Variants in CDH13 observed in about 807,000 individuals in gnomAD.
CDH13 encodes cadherin-13.
Under a neutral mutation model 63.8 loss-of-function variants are expected in CDH13, and 24 were observed. The observed-to-expected ratio is 0.38, with a 90% CI of 0.27 to 0.53. CDH13 has a LOEUF of 0.53. CDH13 is among the 20% of genes least tolerant of loss of function. The probability of loss-of-function intolerance (pLI) is 0.85; values close to 1 mark genes in which losing one functional copy is unlikely to be tolerated. For synonymous variants in CDH13, 503 were observed against 355.3 expected (o/e 1.42, Z -4.67); for missense variants, 1,049 against 903.1 (o/e 1.16, Z -2.07).
intron 6 of CDH13, chr16:83,396,541 T>C (rs1417198496): frequency 6.6e-6 from 1 of 152,204 alleles, no homozygotes; most frequent in Admixed American, 6.5e-5. Context: ...TTTTGAATTA[T>C]GGTGGTACTT....
chr16:83,456,155 A>G (rs1483022284), intron 6 of CDH13, among the ~76,000 whole-genome samples: 1 of 152,236 alleles, frequency 6.6e-6, no homozygotes, highest in Admixed American at 6.5e-5. Context: ...GCCAGGCACC[A>G]CGAGCCTCCC....
At chr16:83,573,999 G>C (rs756423141) in intron 7 of CDH13, among the ~76,000 whole-genome samples, 2 of 152,102 alleles carry the variant, frequency 1.3e-5, no homozygotes, top group African/African-American at 4.8e-5. Flanking sequence ...CCCCAGATAC[G>C]CTTGGAGGTA....
intron 10 of CDH13, among the ~76,000 whole-genome samples, chr16:83,682,821 G>A (rs1037068289): frequency 2.6e-4 from 40 of 152,232 alleles, no homozygotes; most frequent in African/African-American, 9.6e-4. Context: ...GCCCCCATGA[G>A]AGACCGGGAC....
chr16:83,647,867 A>G (rs986144250), intron 8 of CDH13, among the ~76,000 whole-genome samples: 2 of 152,152 alleles, frequency 1.3e-5, no homozygotes, highest in African/African-American at 4.8e-5. Context: ...GTTGATAGCC[A>G]CGATCCCCAT....
At chr16:83,162,993 C>G (rs74574038) in intron 4 of CDH13, among the ~76,000 whole-genome samples, 1 of 152,020 alleles carries the variant, frequency 6.6e-6, no homozygotes, top group African/African-American at 2.4e-5. Flanking sequence ...TCCCATGTGT[C>G]GTAGGAGGAA....
chr16:83,351,899 T>A (rs945804772), intron 6 of CDH13, among the ~76,000 whole-genome samples: 2 of 152,242 alleles, frequency 1.3e-5, no homozygotes, highest in Non-Finnish European at 2.9e-5. Flanking sequence ...GATATTTTTG[T>A]TTGTTTCTCC....
At chr16:83,541,521 T>A (rs2075295556) in intron 7 of CDH13, among the ~76,000 whole-genome samples, 1 of 152,170 alleles carries the variant, frequency 6.6e-6, no homozygotes, top group African/African-American at 2.4e-5. Flanking sequence ...TTCCTTGCAG[T>A]TAGGCAGGGC....
At position 82,878,174 on chromosome 16, in the gene CDH13, T is replaced by C. The variant is rs113180820; in HGVS notation, c.157+19701T>C. On this transcript the variant is annotated intron_variant, in intron 2 of 13. Coordinates refer to ENST00000567109, the MANE Select transcript of CDH13 (RefSeq NM_001257.5). Reference sequence around the variant, plus strand: ...CTCCCTCTCCAGTAGCATTCCCCAGTCTGTGTCACTTAGACGAAAAGGATC... The same window carrying C: ...CTCCCTCTCCAGTAGCATTCCCCAGCCTGTGTCACTTAGACGAAAAGGATC... Among the ~76,000 whole-genome samples the C allele has an allele frequency of 2.9e-3, 441 of 152,082 alleles. 1 individual carries two copies. Among genetic ancestry groups the C allele is most frequent in the African/African-American group, 0.01 (431 of 41,526 alleles).
intron 6 of CDH13, among the ~76,000 whole-genome samples, chr16:83,390,093 G>T (rs1200332603): frequency 6.6e-6 from 1 of 152,102 alleles, no homozygotes. Context: ...TTGAGTCCTG[G>T]GCCATGTGTA....
chr16:82,737,714 C>A (rs192285180), intron 1 of CDH13, among the ~76,000 whole-genome samples: 3 of 152,206 alleles, frequency 2.0e-5, no homozygotes, highest in Non-Finnish European at 4.4e-5. Flanking sequence ...ATAGAGGACA[C>A]CTTCCCCATA....
chr16:83,033,137 C>T (rs1399528537), intron 3 of CDH13, among the ~76,000 whole-genome samples: 2 of 152,114 alleles, frequency 1.3e-5, no homozygotes, highest in Non-Finnish European at 2.9e-5. Flanking sequence ...AATGTATACA[C>T]ATATGTATAC....
chr16:82,813,916 T>C (rs1269198244), intron 1 of CDH13, among the ~76,000 whole-genome samples: 1 of 152,110 alleles, frequency 6.6e-6, no homozygotes. Flanking sequence ...AGTTTTATCA[T>C]CCATGCAATA....
At chr16:83,650,138 A>C (rs1208791249) in intron 8 of CDH13, among the ~76,000 whole-genome samples, 1 of 152,146 alleles carries the variant, frequency 6.6e-6, no homozygotes, top group Non-Finnish European at 1.5e-5. Flanking sequence ...GACCAGAATC[A>C]ATGTGTTGCA....
intron 5 of CDH13, among the ~76,000 whole-genome samples, chr16:83,334,229 T>C (rs61047812): frequency 0.4 from 59,973 of 151,710 alleles, 12,255 homozygotes; most frequent in Admixed American, 0.46. Flanking sequence ...ATATAATTCA[T>C]GCTAGTCTTT....
chr16:83,243,132 C>T (rs1034520918), intron 5 of CDH13, among the ~76,000 whole-genome samples: 1 of 152,182 alleles, frequency 6.6e-6, no homozygotes, highest in African/African-American at 2.4e-5. Context: ...AACCACCATA[C>T]CGCCAAAGAG....
intron 2 of CDH13, among the ~76,000 whole-genome samples, chr16:82,888,454 A>T (rs912365616): frequency 6.6e-6 from 1 of 152,214 alleles, no homozygotes; most frequent in Non-Finnish European, 1.5e-5. Context: ...TGGCAAGTAC[A>T]GGGCAAATGC....
chr16:83,073,449 G>T (rs892513801), intron 3 of CDH13, among the ~76,000 whole-genome samples: 1 of 151,494 alleles, frequency 6.6e-6, no homozygotes, highest in Admixed American at 6.6e-5. Flanking sequence ...ACCTTTTTCT[G>T]TATTTAATTA....
At chr16:83,292,365 G>T (rs1266178510) in intron 5 of CDH13, among the ~76,000 whole-genome samples, 26 of 152,074 alleles carry the variant, frequency 1.7e-4, no homozygotes. Context: ...CTGTCCTGTG[G>T]CCACTTTTCC....
chr16:82,969,022 G>A lies in CDH13; in HGVS notation c.158-62988G>A, dbSNP rs189546465. Among the ~76,000 whole-genome samples the A allele has an allele frequency of 1.9e-3, 296 of 152,254 alleles. 1 individual carries two copies. The highest frequency in any genetic ancestry group is 6.7e-3 in the African/African-American group (280 of 41,566). On this transcript the variant is annotated intron_variant, in intron 2 of 13. Coordinates refer to ENST00000567109, the MANE Select transcript of CDH13 (RefSeq NM_001257.5). Reference sequence around the variant, plus strand: ...CTCAGGAGGCTGAGGCAGGAGAATCGCTTGAACCCTGGAGGCAGAAGTTGC... The same window carrying A: ...CTCAGGAGGCTGAGGCAGGAGAATCACTTGAACCCTGGAGGCAGAAGTTGC...
Sources: allele counts gnomAD v4.1 joint callset (sites outside exome capture counted in the v4.1 genomes callset), GRCh38; gene constraint gnomAD v4.1.1; transcripts MANE v1.5; gene names NCBI Gene and HGNC (gene_info 2026-07-23, HGNC 2026-07-21).